EVA1A: variants seen among roughly 807,000 people sequenced by gnomAD.
EVA1A encodes protein eva-1 homolog A.
EVA1A carries 7 observed loss-of-function variants against 9.8 expected under a neutral mutation model. That is an observed-to-expected ratio of 0.71 (90% confidence interval 0.41 to 1.34). The LOEUF (loss-of-function observed/expected upper bound fraction) is 1.34, where lower values mean the gene tolerates loss of function less well. EVA1A is among the 40% of genes most tolerant of loss of function. The pLI is 0.01. For missense variants in EVA1A, 206 were observed against 205.9 expected (o/e 1.00, Z 0.00); for synonymous variants, 90 against 85.6 (o/e 1.05, Z -0.28).
In EVA1A at chr2:75,559,456, A is replaced by C. The variant is rs1320195863; in HGVS notation, c.-192+1224T>G. Among the ~76,000 whole-genome samples the C allele has an allele frequency of 2.0e-5, 3 of 152,206 alleles. No homozygotes were observed. In the East Asian group the frequency reaches 5.8e-4, roughly 29 times the overall value. ...CACTCCAGGGCCCGGGCTCTTAGCC[A>C]CTGCGCTTGACTGCCTTTATGGAAA... On this transcript the variant is annotated intron_variant, in intron 1 of 3. Coordinates refer to ENST00000393913, the MANE Select transcript of EVA1A (RefSeq NM_001135032.2).
intron 1 of EVA1A, among the ~76,000 whole-genome samples, chr2:75,544,400 TTA>T (rs1206276118): frequency 6.6e-6 from 1 of 152,202 alleles, no homozygotes; most frequent in Admixed American, 6.5e-5. Flanking sequence ...AGCATTATTA[TTA>T]GTATTATTAG....
At chr2:75,561,270 C>A (rs759255), upstream of EVA1A, 25,336 of 152,232 alleles carry the variant, frequency 0.17, 2,118 homozygotes, top group African/African-American at 0.19. Flanking sequence ...CAAGCCCCTG[C>A]CAGCATCCAT....
chr2:75,518,671 T>C, intron 2 of EVA1A: 1 of 987,814 alleles, frequency 1.0e-6, no homozygotes, highest in Non-Finnish European at 1.2e-6. Context: ...TGATTCTCCC[T>C]GGTTCACCTT....
chr2:75,538,250 G>A (rs1223356697), intron 1 of EVA1A, among the ~76,000 whole-genome samples: 2 of 152,126 alleles, frequency 1.3e-5, no homozygotes, highest in Admixed American at 1.3e-4. Flanking sequence ...AGCTGAGATT[G>A]CACCACTGCA....
intron 1 of EVA1A, among the ~76,000 whole-genome samples, chr2:75,531,380 TC>T (rs1413976161): frequency 6.6e-6 from 1 of 152,126 alleles, no homozygotes; most frequent in Non-Finnish European, 1.5e-5. Flanking sequence ...TGCCATTTGA[TC>T]CAGCAACCTC....
intron 3 of EVA1A, among the ~76,000 whole-genome samples, chr2:75,500,609 C>A (rs1287148138): frequency 1.3e-5 from 2 of 152,086 alleles, no homozygotes; most frequent in African/African-American, 4.8e-5. Flanking sequence ...TTTAAAAACT[C>A]CCATGTACCT....
intron 1 of EVA1A, among the ~76,000 whole-genome samples, chr2:75,531,631 G>A (rs1033540830): frequency 6.6e-6 from 1 of 152,092 alleles, no homozygotes; most frequent in African/African-American, 2.4e-5. Context: ...TGGAGTTGGA[G>A]ACCATTATTC....
At chr2:75,549,244 T>A (rs1437410574) in intron 1 of EVA1A, among the ~76,000 whole-genome samples, 1 of 151,998 alleles carries the variant, frequency 6.6e-6, no homozygotes, top group Admixed American at 6.6e-5. Context: ...ACATAGGACT[T>A]TTTCATGACA....
At chr2:75,552,413 G>T (rs1387769491) in intron 1 of EVA1A, among the ~76,000 whole-genome samples, 4 of 151,974 alleles carry the variant, frequency 2.6e-5, no homozygotes, top group Non-Finnish European at 5.9e-5. Context: ...TGGATGCCAG[G>T]CCAAAATGTC....
intron 3 of EVA1A, among the ~76,000 whole-genome samples, chr2:75,511,826 C>G (rs1470403585): frequency 6.6e-6 from 1 of 152,124 alleles, no homozygotes. Context: ...AAACAAAAAT[C>G]TCTCTTCTCC....
chr2:75,562,989 C>G (rs1265491770), upstream of EVA1A, among the ~76,000 whole-genome samples: 1 of 152,172 alleles, frequency 6.6e-6, no homozygotes, highest in East Asian at 1.9e-4. Context: ...ACTTATTTGC[C>G]CCCAGGCTGG....
intron 1 of EVA1A, among the ~76,000 whole-genome samples, chr2:75,537,730 T>C (rs749002856): frequency 7.9e-5 from 12 of 151,940 alleles, no homozygotes; most frequent in Non-Finnish European, 1.5e-4. Context: ...TGGTAATGAG[T>C]GGGTTCTCAT....
chr2:75,500,299 T>C (rs1406963779), intron 3 of EVA1A, among the ~76,000 whole-genome samples: 3 of 152,206 alleles, frequency 2.0e-5, no homozygotes, highest in African/African-American at 4.8e-5. Flanking sequence ...AAAATAACTT[T>C]TGATGACGGA....
At chr2:75,535,282 G>A (rs897043195) in intron 1 of EVA1A, among the ~76,000 whole-genome samples, 4 of 114,968 alleles carry the variant, frequency 3.5e-5, no homozygotes, top group Non-Finnish European at 6.8e-5. Context: ...AGCAATAGAT[G>A]GCATAGATAT....
intron 1 of EVA1A, among the ~76,000 whole-genome samples, chr2:75,541,139 G>C (rs1340125997): frequency 6.6e-6 from 1 of 152,220 alleles, no homozygotes; most frequent in African/African-American, 2.4e-5. Context: ...CATGGGGATG[G>C]ACTGGGCCTT....
intron 2 of EVA1A, among the ~76,000 whole-genome samples, chr2:75,519,207 G>A (rs1482954973): frequency 6.6e-6 from 1 of 152,182 alleles, no homozygotes; most frequent in East Asian, 1.9e-4. Context: ...GACCCAATTC[G>A]ATGCTGCTAT....
At chr2:75,548,141 A>ATTTAT (rs1676394715) in intron 1 of EVA1A, among the ~76,000 whole-genome samples, 1 of 151,898 alleles carries the variant, frequency 6.6e-6, no homozygotes, top group Non-Finnish European at 1.5e-5. Flanking sequence ...TCTTTTATTT[A>ATTTAT]TTTATTTTTG....
rs75715352 is a variant in EVA1A at position 75,505,562 on chromosome 2, G to A, written c.86-11953C>T. Among the ~76,000 whole-genome samples, 10 of 152,230 alleles carry A rather than the reference G, an allele frequency of 6.6e-5. No individual in the cohort carries two copies. The East Asian group carries it at 1.7e-3, about 26-fold the overall frequency. ...TGCCAGTATAACATTAAAAGAGTAGGGAAATTTTGGGAGGCTGAGGCAGGT... is the reference window on the plus strand; with the variant it reads ...TGCCAGTATAACATTAAAAGAGTAGAGAAATTTTGGGAGGCTGAGGCAGGT... On this transcript the variant is annotated intron_variant, in intron 3 of 3. Transcript: ENST00000393913.
intron 1 of EVA1A, among the ~76,000 whole-genome samples, chr2:75,551,968 G>A (rs1311665180): frequency 6.6e-6 from 1 of 152,044 alleles, no homozygotes; most frequent in African/African-American, 2.4e-5. Context: ...ATCACTTGAG[G>A]CCAGAAGTTC....
Sources: gnomAD v4.1 joint callset for allele counts (sites outside exome capture counted in the v4.1 genomes callset) on GRCh38, gnomAD v4.1.1 for gene constraint, MANE v1.5 for transcripts, NCBI Gene and HGNC (gene_info 2026-07-23, HGNC 2026-07-21) for gene names.